Variants in SLC4A10 observed in about 807,000 individuals in gnomAD.
SLC4A10 encodes the protein solute carrier family 4 member 10.
Under a neutral mutation model 137.7 loss-of-function variants are expected in SLC4A10, and 42 were observed. The observed-to-expected ratio is 0.30, with a 90% CI of 0.24 to 0.39. The LOEUF is 0.39. SLC4A10 is among the 10% of genes least tolerant of loss of function. The pLI, the probability that SLC4A10 is intolerant of heterozygous loss-of-function variation, is 1.00. For missense variants in SLC4A10, 925 were observed against 1,355.0 expected (o/e 0.68, Z 4.98); for synonymous variants, 474 against 464.1 (o/e 1.02, Z -0.27).
chr2:161,665,660 G>T (rs2038955204), intron 1 of SLC4A10, among the ~76,000 whole-genome samples: 2 of 151,438 alleles, frequency 1.3e-5, no homozygotes, highest in Non-Finnish European at 3.0e-5. Flanking sequence ...CAACTGGAAA[G>T]AAATATTTAT....
intron 1 of SLC4A10, among the ~76,000 whole-genome samples, chr2:161,641,704 AGTT>A: frequency 6.6e-6 from 1 of 152,196 alleles, no homozygotes; most frequent in East Asian, 1.9e-4. Flanking sequence ...TGATATTAGA[AGTT>A]GTTTGGATAA....
intron 26 of SLC4A10, among the ~76,000 whole-genome samples, chr2:161,979,046 C>T (rs1015228533): frequency 1.3e-5 from 2 of 152,060 alleles, no homozygotes; most frequent in Admixed American, 6.5e-5. Flanking sequence ...ATGAAAAATA[C>T]GACATTTCTC....
chr2:161,963,356 G>A lies in SLC4A10; in HGVS notation c.2863-779G>A, dbSNP rs1288814264. 3.3e-5 allele frequency among the ~76,000 whole-genome samples: 5 copies of A among 152,144 alleles called. No individual in the cohort carries two copies. In the East Asian group the frequency reaches 9.6e-4, roughly 29 times the overall value. ...AAGATTGAAACAAATAACATTGATT[G>A]AGATGAAAATAATTTTAATAAAATA... On this transcript the variant is annotated intron_variant, in intron 21 of 26. Transcript: ENST00000446997.
At chr2:161,946,375 T>C (rs972157655) in intron 16 of SLC4A10, among the ~76,000 whole-genome samples, 1 of 152,108 alleles carries the variant, frequency 6.6e-6, no homozygotes, top group African/African-American at 2.4e-5. Flanking sequence ...TAGCTATTTG[T>C]AATTTATTCT....
At chr2:161,911,033 T>C (rs2105400767) in intron 15 of SLC4A10, among the ~76,000 whole-genome samples, 1 of 151,936 alleles carries the variant, frequency 6.6e-6, no homozygotes, top group East Asian at 1.9e-4. Context: ...ATATTTAAAA[T>C]ATGTAAAAAA....
At chr2:161,929,797 T>C (rs893123613) in intron 15 of SLC4A10, among the ~76,000 whole-genome samples, 2 of 152,156 alleles carry the variant, frequency 1.3e-5, no homozygotes, top group Admixed American at 6.6e-5. Context: ...GCCCTGAACC[T>C]GAGCCTTAAG....
chr2:161,803,588 C>G (rs2055601082), intron 2 of SLC4A10, among the ~76,000 whole-genome samples: 1 of 152,098 alleles, frequency 6.6e-6, no homozygotes, highest in Admixed American at 6.6e-5. Context: ...TTTAGCTTTT[C>G]CAGAATGTCA....
chr2:161,711,267 T>C (rs1033039017), intron 1 of SLC4A10, among the ~76,000 whole-genome samples: 3 of 151,806 alleles, frequency 2.0e-5, no homozygotes, highest in African/African-American at 4.8e-5. Flanking sequence ...CAGCTCAACA[T>C]AGAGACTTGA....
chr2:161,855,234 T>C, intron 5 of SLC4A10, 104 bp downstream of exon 5: 1 of 1,070,458 alleles, frequency 9.3e-7, no homozygotes, highest in Non-Finnish European at 1.3e-6. Flanking sequence ...AAACTAATTC[T>C]CATAATCACT....
At chr2:161,871,598 T>C (rs2061130400) in intron 6 of SLC4A10, among the ~76,000 whole-genome samples, 1 of 152,068 alleles carries the variant, frequency 6.6e-6, no homozygotes, top group South Asian at 2.1e-4. Context: ...AACTACAAGA[T>C]AATTTTGTTT....
intron 3 of SLC4A10, among the ~76,000 whole-genome samples, chr2:161,835,509 G>A (rs2058710766): frequency 6.6e-6 from 1 of 152,180 alleles, no homozygotes; most frequent in African/African-American, 2.4e-5. Flanking sequence ...TCTACACTTG[G>A]CTATGAGGAT....
At chr2:161,740,718 C>T (rs2047793842) in intron 1 of SLC4A10, among the ~76,000 whole-genome samples, 1 of 152,120 alleles carries the variant, frequency 6.6e-6, no homozygotes, top group Admixed American at 6.6e-5. Context: ...GGAAATCTTA[C>T]TCATTCCCTT....
At chr2:161,843,306 A>G (rs1162245718) in intron 4 of SLC4A10, among the ~76,000 whole-genome samples, 1 of 152,154 alleles carries the variant, frequency 6.6e-6, no homozygotes, top group Non-Finnish European at 1.5e-5. Flanking sequence ...GTTATGCTCT[A>G]ATGGATTAAC....
chr2:161,840,048 C>T (rs2059084658), intron 4 of SLC4A10, 121 bp downstream of exon 4: 5 of 1,228,936 alleles, frequency 4.1e-6, no homozygotes, highest in African/African-American at 1.5e-5. Context: ...AGAAGTTGCT[C>T]ATCTAGCCTG....
intron 15 of SLC4A10, among the ~76,000 whole-genome samples, chr2:161,909,035 G>A (rs1685160828): frequency 1.5e-5 from 2 of 133,546 alleles, no homozygotes; most frequent in African/African-American, 5.7e-5. Flanking sequence ...TGAACAATGA[G>A]AACACATGGA....
chr2:161,752,354 G>A (rs1009125232), intron 1 of SLC4A10, among the ~76,000 whole-genome samples: 1 of 151,840 alleles, frequency 6.6e-6, no homozygotes, highest in African/African-American at 2.4e-5. Context: ...CCCATGAAGA[G>A]CTCAAATTTA....
intron 1 of SLC4A10, among the ~76,000 whole-genome samples, chr2:161,763,491 G>A (rs886195830): frequency 6.6e-6 from 1 of 152,090 alleles, no homozygotes; most frequent in Non-Finnish European, 1.5e-5. Flanking sequence ...ATCAACTAGG[G>A]TTCATGAAAT....
chr2:161,668,194 T>C (rs2039298729), intron 1 of SLC4A10, among the ~76,000 whole-genome samples: 1 of 151,766 alleles, frequency 6.6e-6, no homozygotes, highest in African/African-American at 2.4e-5. Flanking sequence ...TAGGTCTGAC[T>C]ATATACCCAG....
chr2:161,703,468 T>C (rs1332716216), intron 1 of SLC4A10, among the ~76,000 whole-genome samples: 20 of 151,724 alleles, frequency 1.3e-4, no homozygotes, highest in Non-Finnish European at 7.4e-5. Flanking sequence ...AAAATATCAA[T>C]AATGGTTATC....
Sources: gnomAD v4.1 joint callset for allele counts (sites outside exome capture counted in the v4.1 genomes callset) on GRCh38, gnomAD v4.1.1 for gene constraint, MANE v1.5 for transcripts, NCBI Gene and HGNC (gene_info 2026-07-23, HGNC 2026-07-21) for gene names.